Variants in PIGK observed in about 807,000 individuals in gnomAD.
The protein encoded by PIGK is GPI-anchor transamidase.
A neutral mutation model predicts 50.6 loss-of-function variants in PIGK; 42 were observed. That is an observed-to-expected ratio of 0.83 (90% CI 0.65 to 1.07). The LOEUF (loss-of-function observed/expected upper bound fraction) is 1.07, where lower values mean the gene tolerates loss of function less well. PIGK is among the 50% of genes least tolerant of loss of function. The pLI is 0.00. For missense variants in PIGK, 448 were observed against 488.7 expected (o/e 0.92, Z 0.78); for synonymous variants, 151 against 156.0 (o/e 0.97, Z 0.24).
intron 3 of PIGK, among the ~76,000 whole-genome samples, chr1:77,188,626 C>G (rs1655811457): frequency 6.6e-6 from 1 of 152,184 alleles, no homozygotes; most frequent in African/African-American, 2.4e-5. Context: ...TGATGTCTGT[C>G]ACCCACACCT....
intron 2 of PIGK, among the ~76,000 whole-genome samples, chr1:77,206,939 G>A (rs1395558406): frequency 6.6e-6 from 1 of 152,172 alleles, no homozygotes; most frequent in African/African-American, 2.4e-5. Flanking sequence ...AGCCCAGGCG[G>A]GAAGATCACT....
intron 10 of PIGK, among the ~76,000 whole-genome samples, chr1:77,105,766 G>A (rs1317356171): frequency 2.0e-5 from 3 of 152,236 alleles, no homozygotes; most frequent in Admixed American, 1.3e-4. Flanking sequence ...ATCTATTGGG[G>A]CTTTCACACT....
rs908569091 is a variant in PIGK, at chr1:77,093,835, A to G, written c.1072-1345T>C. ...TAATGGCAAAAGTCCTTGCCCTCTA[A>G]TATCCTACAAGACGGTAAGTTCGGT... On this transcript the variant is annotated intron_variant, in intron 10 of 10. Coordinates refer to ENST00000370812, the MANE Select transcript of PIGK (RefSeq NM_005482.3). Among the ~76,000 whole-genome samples the G allele has an allele frequency of 3.9e-5, 6 of 152,122 alleles. No homozygotes were observed. In the East Asian group the frequency reaches 9.6e-4, roughly 24 times the overall value.
intron 9 of PIGK, among the ~76,000 whole-genome samples, chr1:77,134,976 A>G (rs1308410809): frequency 2.0e-5 from 3 of 151,808 alleles, no homozygotes; most frequent in Non-Finnish European, 4.4e-5. Flanking sequence ...CTGTGATCCG[A>G]AAAAAAATGC....
chr1:77,128,808 TAC>T (rs1274012100), intron 9 of PIGK, among the ~76,000 whole-genome samples: 26 of 152,368 alleles, frequency 1.7e-4, no homozygotes, highest in African/African-American at 6.3e-4. Flanking sequence ...TAATAAATTA[TAC>T]AGTGTAATTC....
At chr1:77,134,381 C>T (rs1042013586) in intron 9 of PIGK, among the ~76,000 whole-genome samples, 7 of 152,104 alleles carry the variant, frequency 4.6e-5, no homozygotes, top group Non-Finnish European at 8.8e-5. Context: ...TTTAGTTTCC[C>T]TTTAGTTTTA....
Position 77,163,735 on chromosome 1 carries a change from G to T in PIGK, c.584+111C>A, listed in dbSNP as rs190039613. On this transcript the variant is annotated intron_variant, in intron 6 of 10. Coordinates refer to ENST00000370812, the MANE Select transcript of PIGK (RefSeq NM_005482.3). ...CAAATGTAAATTTAAAAGAGTCAAA[G>T]AAATTGTCAAAATAAGTTAAAAATC... The T allele has an allele frequency of 9.0e-4, 576 of 638,404 alleles. 3 individuals carry two copies. Among genetic ancestry groups the T allele is most frequent in the African/African-American group, 8.8e-3 (463 of 52,414 alleles). 39.5% of individuals were successfully genotyped at this position (638,404 alleles called of 1,614,324 possible).
chr1:77,111,483 C>A (rs891477743), intron 10 of PIGK, among the ~76,000 whole-genome samples: 14 of 152,012 alleles, frequency 9.2e-5, no homozygotes, highest in Non-Finnish European at 1.9e-4. Flanking sequence ...CGGAAACCAT[C>A]ATTCTCAGCA....
At chr1:77,165,625 A>G (rs996953566) in intron 5 of PIGK, among the ~76,000 whole-genome samples, 2 of 152,056 alleles carry the variant, frequency 1.3e-5, no homozygotes, top group South Asian at 4.1e-4. Context: ...AAAGCAAGAA[A>G]TATATAATCA....
intron 9 of PIGK, among the ~76,000 whole-genome samples, chr1:77,130,875 T>C (rs1654358373): frequency 6.6e-6 from 1 of 152,148 alleles, no homozygotes; most frequent in Admixed American, 6.6e-5. Context: ...TGTAGTCACA[T>C]ATAAAATGAC....
At chr1:77,219,259 G>A (rs1656662690) in intron 1 of PIGK, 51 bp downstream of exon 1, 2 of 1,442,150 alleles carry the variant, frequency 1.4e-6, no homozygotes, top group Non-Finnish European at 2.0e-6. Context: ...ACATCTGCTG[G>A]AGGGCTCACA....
chr1:77,166,503 T>TA (rs67710068), intron 5 of PIGK, among the ~76,000 whole-genome samples: 35,555 of 151,920 alleles, frequency 0.23, 5,112 homozygotes, highest in Non-Finnish European at 0.32. Context: ...AAGTCAATAG[T>TA]AAAAAAATAT....
intron 3 of PIGK, among the ~76,000 whole-genome samples, chr1:77,190,869 C>A (rs1266108062): frequency 6.6e-6 from 1 of 152,146 alleles, no homozygotes; most frequent in East Asian, 1.9e-4. Context: ...TAGCCTACAC[C>A]TTAAATCTTC....
At chr1:77,140,282 C>T (rs1654618381) in intron 9 of PIGK, among the ~76,000 whole-genome samples, 1 of 152,020 alleles carries the variant, frequency 6.6e-6, no homozygotes, top group Non-Finnish European at 1.5e-5. Context: ...CTCTCCCAAA[C>T]CCTTGCCTTC....
At chr1:77,140,841 T>C (rs1654634950) in intron 9 of PIGK, among the ~76,000 whole-genome samples, 1 of 152,184 alleles carries the variant, frequency 6.6e-6, no homozygotes, top group Admixed American at 6.5e-5. Context: ...AAAGCATAAG[T>C]TAGAGCTTTC....
chr1:77,169,185 T>C (rs926467427), intron 4 of PIGK, 75 bp downstream of exon 4: 3 of 964,688 alleles, frequency 3.1e-6, no homozygotes, highest in African/African-American at 3.4e-5. Flanking sequence ...AATAAGACAA[T>C]TTTATTCTGC....
intron 3 of PIGK, among the ~76,000 whole-genome samples, chr1:77,189,694 C>CATATATATAT (rs71075728): frequency 1.4e-5 from 1 of 71,112 alleles, no homozygotes; most frequent in Non-Finnish European, 2.7e-5. Flanking sequence ...ACAATAAACT[C>CATATATATAT]ATATATATAT....
At chr1:77,207,882 A>T (rs1020645610) in intron 2 of PIGK, among the ~76,000 whole-genome samples, 37 of 152,192 alleles carry the variant, frequency 2.4e-4, no homozygotes, top group African/African-American at 8.7e-4. Flanking sequence ...GGAAAAGACT[A>T]AATTTTTGAC....
chr1:77,092,332 C>T lies in PIGK; in HGVS notation c.*42G>A, dbSNP rs1415534184. 2.5e-6 allele frequency: 2 copies of T among 796,388 alleles called. No homozygotes were observed. The highest frequency in any genetic ancestry group is 4.1e-6 in the Non-Finnish European group (2 of 486,784). 49.3% of individuals were successfully genotyped at this position (796,388 alleles called of 1,614,324 possible). ...ATATATAATGACATAAATTATTATC[C>T]AAGTTTGCAGTCCTCCATGCATTCT... is the stretch of plus-strand genomic sequence containing the variant. On this transcript the variant is annotated 3_prime_UTR_variant, in exon 11 of 11. Transcript: ENST00000370812.
Sources: allele counts gnomAD v4.1 joint callset (sites outside exome capture counted in the v4.1 genomes callset), GRCh38; gene constraint gnomAD v4.1.1; transcripts MANE v1.5; gene names NCBI Gene and HGNC (gene_info 2026-07-23, HGNC 2026-07-21).